The following TNS4 variants were observed in gnomAD, a reference collection of about 807,000 sequenced individuals.
TNS4 encodes tensin 4.
A neutral mutation model predicts 70.4 loss-of-function variants in TNS4; 46 were observed. That is an observed-to-expected ratio of 0.65 (90% confidence interval 0.52 to 0.84). The LOEUF is 0.84. Among genes scored for constraint, TNS4 ranks in the 40% least tolerant of loss-of-function variants. The pLI, the probability that TNS4 is intolerant of heterozygous loss-of-function variation, is 0.00. For missense variants in TNS4, 863 were observed against 907.0 expected, an observed-to-expected ratio of 0.95 and a Z score of 0.62; for synonymous variants, 390 against 366.6, an observed-to-expected ratio of 1.06 and a Z score of -0.73.
At chr17:40,478,094 C>G in intron 12 of TNS4, 2 of 644,038 alleles carry the variant, frequency 3.1e-6, no homozygotes, top group Non-Finnish European at 5.4e-6. Context: ...GTGCCTCTTG[C>G]AGAAGATTGA....
chr17:40,482,297 G>A, intron 7 of TNS4, 27 bp downstream of exon 7: 1 of 1,613,990 alleles, frequency 6.2e-7, no homozygotes, highest in Non-Finnish European at 8.5e-7. Flanking sequence ...CCCATCCCGG[G>A]GGAGCCTGGA....
At chr17:40,488,077 G>T (rs1205376336) in intron 3 of TNS4, among the ~76,000 whole-genome samples, 1 of 152,218 alleles carries the variant, frequency 6.6e-6, no homozygotes, top group Admixed American at 6.5e-5. Context: ...CTGCAGTTCT[G>T]CTGTGAGGTC....
chr17:40,480,606 G>T, intron 9 of TNS4, 94 bp downstream of exon 9: 1 of 1,207,250 alleles, frequency 8.3e-7, no homozygotes, highest in Non-Finnish European at 1.1e-6. Context: ...GTGTGCCTGT[G>T]CGTGTGTGCG....
At chr17:40,485,869 T>C (rs942471501) in intron 4 of TNS4, among the ~76,000 whole-genome samples, 1 of 152,200 alleles carries the variant, frequency 6.6e-6, no homozygotes, top group Non-Finnish European at 1.5e-5. Context: ...TGCAAATGAT[T>C]TGTCCTAGGA....
At chr17:40,479,560 G>T in intron 10 of TNS4, 114 bp downstream of exon 10, 1 of 1,353,480 alleles carries the variant, frequency 7.4e-7, no homozygotes, top group Non-Finnish European at 1.0e-6. Flanking sequence ...TGGCCCCGCT[G>T]GGTCATCCAG....
At chr17:40,484,823 C>A in intron 5 of TNS4, 98 bp downstream of exon 5, 2 of 1,464,612 alleles carry the variant, frequency 1.4e-6, no homozygotes, top group Non-Finnish European at 1.9e-6. Context: ...CTTCCCAGGA[C>A]CCACTATTTG....
At position 40,489,535 on chromosome 17, in the gene TNS4, C is replaced by T. The variant is rs58090167; in HGVS notation, c.440-566G>A. Among the ~76,000 whole-genome samples the T allele has an allele frequency of 2.7e-3, 406 of 152,202 alleles. 2 individuals are homozygous for T. Among genetic ancestry groups the T allele is most frequent in the African/African-American group, 8.9e-3 (368 of 41,534 alleles). On this transcript the variant is annotated intron_variant, in intron 2 of 12. Coordinates refer to ENST00000254051, the MANE Select transcript of TNS4 (RefSeq NM_032865.6). ...AAAGTGGTTTCTCTGAGGCTGGGCGCGGTGGCTCACACCTGGAATCCCAGC... is the reference window on the plus strand; with the variant it reads ...AAAGTGGTTTCTCTGAGGCTGGGCGTGGTGGCTCACACCTGGAATCCCAGC...
intron 4 of TNS4, among the ~76,000 whole-genome samples, 181 bp downstream of exon 4, chr17:40,486,855 G>A (rs547973424): frequency 2.6e-5 from 4 of 152,254 alleles, no homozygotes; most frequent in East Asian, 3.9e-4. Context: ...CTACCCTACC[G>A]TGATGATTTG....
rs1370234461 is a variant in TNS4, at chr17:40,479,701, C to A, written c.1883G>T (p.Gly628Val). Residue 628 changes from glycine to valine, a missense_variant, in exon 10 of 13, where the codon GGC (glycine) becomes GTC (valine). By Grantham distance (109) the Gly-to-Val change is moderately radical (BLOSUM62 -3). Coordinates refer to ENST00000254051, the MANE Select transcript of TNS4 (RefSeq NM_032865.6). The stretch of plus-strand genomic sequence containing the variant: ...CCTCTGGACATCAGTCAGAGTGATG[C>A]CCTGCTCTGTGACTTTGAAGTGGAC... ...TVVHFKVTEQ[G>V]ITLTDVQRKV... 3 of 1,613,886 alleles carry A rather than the reference C, an allele frequency of 1.9e-6. No individual in the cohort carries two copies. Among genetic ancestry groups the A allele is most frequent in the Non-Finnish European group, 2.5e-6 (3 of 1,179,954 alleles).
At position 40,496,521 on chromosome 17, in the gene TNS4, C is replaced by G; in HGVS notation, c.-95-1G>C. The G allele has an allele frequency of 3.8e-6, 5 of 1,321,276 alleles. No individual in the cohort carries two copies. Among genetic ancestry groups the G allele is most frequent in the Non-Finnish European group, 5.1e-6 (5 of 981,376 alleles). 81.8% of individuals were successfully genotyped at this position (1,321,276 alleles called of 1,614,324 possible). A position where few individuals can be genotyped will look rare whatever the true frequency, so the allele number is the denominator to read the frequency against. ...CTTGCTAACCAGGAGCTCCCAGGAT[C>G]TGAAAGAGTCCAAGAGTGGGAACGG... is the stretch of plus-strand genomic sequence containing the variant. On this transcript the variant is annotated splice_acceptor_variant, in intron 1 of 12. Coordinates refer to ENST00000254051, the MANE Select transcript of TNS4 (RefSeq NM_032865.6). LOFTEE classifies it low-confidence loss of function (5UTR_SPLICE).
At chr17:40,493,637 A>G (rs908443796) in intron 2 of TNS4, among the ~76,000 whole-genome samples, 18 of 152,200 alleles carry the variant, frequency 1.2e-4, no homozygotes, top group African/African-American at 4.3e-4. Context: ...ACAGAGAGGC[A>G]GCTTCCTCAG....
intron 6 of TNS4, among the ~76,000 whole-genome samples, chr17:40,484,131 C>T (rs1198820861): frequency 6.6e-6 from 1 of 152,180 alleles, no homozygotes; most frequent in East Asian, 1.9e-4. Context: ...AAGCTAGCTG[C>T]GTGTGTAATC....
At chr17:40,480,340 T>A (rs1258857199) in intron 9 of TNS4, among the ~76,000 whole-genome samples, 1 of 152,066 alleles carries the variant, frequency 6.6e-6, no homozygotes, top group East Asian at 1.9e-4. Context: ...GCTCCAGGAC[T>A]TAGACCTGAC....
intron 10 of TNS4, among the ~76,000 whole-genome samples, chr17:40,478,948 G>A (rs1413018934): frequency 2.0e-5 from 3 of 152,100 alleles, no homozygotes; most frequent in African/African-American, 4.8e-5. Context: ...TTACATCTTG[G>A]TCATCTCTTG....
In TNS4 at chr17:40,488,804, A is replaced by G; in HGVS notation, c.605T>C (p.Ile202Thr). The change falls in exon 3 of 13, where the codon ATC becomes ACC. Residue 202 changes from isoleucine (I) to threonine (T), a missense_variant. Ile to Thr is a moderately conservative substitution (Grantham distance 89, BLOSUM62 -1). Coordinates refer to ENST00000254051, the MANE Select transcript of TNS4 (RefSeq NM_032865.6). ...CCCCCTGCCCTGGTTCCCAGAGAAGATGAGGCTCTCACTGCTGCTTCGTGT... is the reference window on the plus strand; with the variant it reads ...CCCCCTGCCCTGGTTCCCAGAGAAGGTGAGGCTCTCACTGCTGCTTCGTGT... Reference protein sequence around the residue: ...RETRSSSESLIFSGNQGRGHQ... With the variant: ...RETRSSSESLTFSGNQGRGHQ... 1.2e-6 allele frequency: 2 copies of G among 1,611,896 alleles called. No homozygotes were observed. The highest frequency in any genetic ancestry group is 2.2e-5 in the South Asian group (2 of 91,004).
chr17:40,499,678 A>G (rs1011736756), intron 1 of TNS4, among the ~76,000 whole-genome samples: 1 of 152,218 alleles, frequency 6.6e-6, no homozygotes, highest in Admixed American at 6.5e-5. Flanking sequence ...CTATAAATGG[A>G]AGTGGAAGGG....
rs529697727 is a variant in TNS4, at chr17:40,493,065, G to A, written c.439+2922C>T. Among the ~76,000 whole-genome samples the A allele has an allele frequency of 2.7e-4, 41 of 152,182 alleles. 1 individual carries two copies. The South Asian group carries it at 8.3e-3, about 31-fold the overall frequency. On this transcript the variant is annotated intron_variant, in intron 2 of 12. Coordinates refer to ENST00000254051, the MANE Select transcript of TNS4 (RefSeq NM_032865.6). ...GCCTGTAGTCCCAGCTACTGGGGATGCTGAGGTGGGAGGATTGCTTGAGCC... is the reference window on the plus strand; with the variant it reads ...GCCTGTAGTCCCAGCTACTGGGGATACTGAGGTGGGAGGATTGCTTGAGCC...
intron 6 of TNS4, 40 bp from the exon 7 acceptor site, chr17:40,482,456 C>T (rs946493520): frequency 6.2e-7 from 1 of 1,606,022 alleles, no homozygotes; most frequent in Admixed American, 1.7e-5. Flanking sequence ...TAGAATTCCA[C>T]CTTGTGGCCG....
At chr17:40,483,674 T>C (rs1175477404) in intron 6 of TNS4, among the ~76,000 whole-genome samples, 3 of 152,186 alleles carry the variant, frequency 2.0e-5, no homozygotes, top group Non-Finnish European at 4.4e-5. Flanking sequence ...TCTGGGCTCA[T>C]TGCCTCTTGC....
Sources: gnomAD v4.1 joint callset for allele counts (sites outside exome capture counted in the v4.1 genomes callset) on GRCh38, gnomAD v4.1.1 for gene constraint, MANE v1.5 for transcripts, NCBI Gene and HGNC (gene_info 2026-07-23, HGNC 2026-07-21) for gene names.